GRM8: variants seen among roughly 807,000 people sequenced by gnomAD.
GRM8 encodes glutamate metabotropic receptor 8, also known as metabotropic glutamate receptor 8.
Under a neutral mutation model 87.2 loss-of-function variants are expected in GRM8, and 47 were observed. That is an observed-to-expected ratio of 0.54 (90% CI 0.43 to 0.69). The LOEUF (loss-of-function observed/expected upper bound fraction) is 0.69, where lower values mean the gene tolerates loss of function less well. GRM8 is among the 30% of genes least tolerant of loss of function. The pLI is 0.00. For synonymous variants in GRM8, 396 were observed against 404.5 expected, an observed-to-expected ratio of 0.98 and a Z score of 0.25; for missense variants, 1,019 against 1,139.2, an observed-to-expected ratio of 0.89 and a Z score of 1.52.
At chr7:127,173,657 C>T (rs1793941982) in intron 2 of GRM8, among the ~76,000 whole-genome samples, 1 of 152,188 alleles carries the variant, frequency 6.6e-6, no homozygotes, top group South Asian at 2.1e-4. Flanking sequence ...GGGTTGACTA[C>T]CTTAAAAGCC....
chr7:126,779,187 T>C (rs1819801069), intron 6 of GRM8, among the ~76,000 whole-genome samples: 1 of 152,112 alleles, frequency 6.6e-6, no homozygotes, highest in Non-Finnish European at 1.5e-5. Flanking sequence ...TTATATTCAA[T>C]GTGATATTTG....
intron 3 of GRM8, among the ~76,000 whole-genome samples, chr7:126,916,211 A>G (rs1803886352): frequency 6.6e-6 from 1 of 152,202 alleles, no homozygotes; most frequent in Non-Finnish European, 1.5e-5. Context: ...TTAAAACAGC[A>G]TTAGACTTTG....
chr7:126,527,449 C>G (rs756579281), intron 9 of GRM8, among the ~76,000 whole-genome samples: 5 of 152,174 alleles, frequency 3.3e-5, no homozygotes, highest in African/African-American at 4.8e-5. Flanking sequence ...TACAAACATA[C>G]AATGTGGATA....
At chr7:126,992,396 A>C (rs1812745830) in intron 3 of GRM8, among the ~76,000 whole-genome samples, 1 of 152,206 alleles carries the variant, frequency 6.6e-6, no homozygotes, top group African/African-American at 2.4e-5. Flanking sequence ...TAAATCTAAT[A>C]AGTTAATTGA....
chr7:126,906,307 T>A (rs192791109), intron 3 of GRM8, among the ~76,000 whole-genome samples: 2 of 152,234 alleles, frequency 1.3e-5, no homozygotes, highest in East Asian at 3.9e-4. Context: ...ACCCAGTATA[T>A]GATAATTTTT....
At chr7:126,673,377 T>C (rs767604460) in intron 7 of GRM8, among the ~76,000 whole-genome samples, 1 of 152,192 alleles carries the variant, frequency 6.6e-6, no homozygotes, top group African/African-American at 2.4e-5. Context: ...AAGTGGGAGA[T>C]AATGGATTTA....
chr7:126,542,205 T>C (rs1017978344), intron 8 of GRM8, among the ~76,000 whole-genome samples: 1 of 152,224 alleles, frequency 6.6e-6, no homozygotes, highest in Non-Finnish European at 1.5e-5. Flanking sequence ...TACTTTGTTA[T>C]GGCAACCCTA....
intron 9 of GRM8, among the ~76,000 whole-genome samples, chr7:126,527,944 T>G (rs1024177721): frequency 3.3e-5 from 5 of 152,176 alleles, no homozygotes; most frequent in Admixed American, 3.3e-4. Flanking sequence ...CAGTGGCTCA[T>G]GCCTGTAATC....
At chr7:126,635,434 T>C (rs1284778960) in intron 7 of GRM8, among the ~76,000 whole-genome samples, 1 of 152,136 alleles carries the variant, frequency 6.6e-6, no homozygotes, top group Non-Finnish European at 1.5e-5. Context: ...ATTAAGAACA[T>C]TAAACTCATA....
chr7:126,926,432 T>G (rs1224263152), intron 3 of GRM8, among the ~76,000 whole-genome samples: 1 of 152,158 alleles, frequency 6.6e-6, no homozygotes, highest in Non-Finnish European at 1.5e-5. Flanking sequence ...CAGCCATCAT[T>G]ATCTTTCTCC....
chr7:126,946,767 T>C (rs1391768106), intron 3 of GRM8, among the ~76,000 whole-genome samples: 1 of 152,216 alleles, frequency 6.6e-6, no homozygotes, highest in Non-Finnish European at 1.5e-5. Flanking sequence ...GCTTATTATG[T>C]TAAGCCATTG....
rs1206256917 is a variant in GRM8, at chr7:126,974,737, T to C, written c.728-70054A>G. On this transcript the variant is annotated intron_variant, in intron 3 of 10. Coordinates refer to ENST00000339582, the MANE Select transcript of GRM8 (RefSeq NM_000845.3). ...TCACGAGGTCAGGAGATTGAGACCA[T>C]CCTGGCTAACACGGTGAAATCCTGT... Among the ~76,000 whole-genome samples the C allele has an allele frequency of 2.0e-5, 3 of 151,844 alleles. No individual in the cohort carries two copies. The East Asian group carries it at 5.8e-4, about 29-fold the overall frequency.
chr7:126,467,142 C>A (rs1313789940), intron 9 of GRM8, among the ~76,000 whole-genome samples: 1 of 151,840 alleles, frequency 6.6e-6, no homozygotes, highest in Admixed American at 6.6e-5. Context: ...TATCCCTCTC[C>A]TAGCCCCCCA....
chr7:127,065,186 C>T (rs1820987633), intron 3 of GRM8, among the ~76,000 whole-genome samples: 1 of 152,094 alleles, frequency 6.6e-6, no homozygotes, highest in Non-Finnish European at 1.5e-5. Flanking sequence ...TATTATGCAG[C>T]CATAAAAAAG....
At chr7:127,217,550 C>T (rs1179651582) in intron 2 of GRM8, among the ~76,000 whole-genome samples, 1 of 152,206 alleles carries the variant, frequency 6.6e-6, no homozygotes, top group East Asian at 1.9e-4. Flanking sequence ...TATCAAAGTC[C>T]TGTTTCAGAC....
At chr7:126,989,372 CT>C (rs1407027926) in intron 3 of GRM8, among the ~76,000 whole-genome samples, 1 of 152,074 alleles carries the variant, frequency 6.6e-6, no homozygotes, top group Non-Finnish European at 1.5e-5. Context: ...AATCATAACT[CT>C]GCTTCAAAGC....
At chr7:126,470,191 T>A (rs1442095847) in intron 9 of GRM8, among the ~76,000 whole-genome samples, 1 of 152,046 alleles carries the variant, frequency 6.6e-6, no homozygotes, top group Non-Finnish European at 1.5e-5. Flanking sequence ...TTTTTTATTT[T>A]ATTTTATTAT....
At chr7:126,473,937 G>A (rs1805598638) in intron 9 of GRM8, among the ~76,000 whole-genome samples, 1 of 152,068 alleles carries the variant, frequency 6.6e-6, no homozygotes, top group African/African-American at 2.4e-5. Flanking sequence ...TGATTGTGAT[G>A]CCTCCCAAGC....
At chr7:127,138,382 C>G (rs146643845) in intron 2 of GRM8, among the ~76,000 whole-genome samples, 21 of 152,228 alleles carry the variant, frequency 1.4e-4, no homozygotes, top group Non-Finnish European at 2.5e-4. Flanking sequence ...ATTCCCCACA[C>G]AGGGTCCAGA....
Sources: allele counts gnomAD v4.1 joint callset (sites outside exome capture counted in the v4.1 genomes callset), GRCh38; gene constraint gnomAD v4.1.1; transcripts MANE v1.5; gene names NCBI Gene and HGNC (gene_info 2026-07-23, HGNC 2026-07-21).